Variants in C12orf60 observed in about 807,000 individuals in gnomAD.
C12orf60 encodes the protein uncharacterized protein C12orf60.
For synonymous variants in C12orf60, 102 were observed against 94.6 expected (o/e 1.08, Z -0.45); for missense variants, 284 against 283.2 (o/e 1.00, Z -0.02).
intron 1 of C12orf60, among the ~76,000 whole-genome samples, chr12:14,814,852 C>T (rs1950192783): frequency 6.6e-6 from 1 of 152,292 alleles, no homozygotes; most frequent in East Asian, 1.9e-4. Context: ...CACTCAGCCC[C>T]AGTGTAACTT....
At chr12:14,805,646 C>T (rs972458191) in intron 1 of C12orf60, 84 of 178,354 alleles carry the variant, frequency 4.7e-4, no homozygotes, top group Non-Finnish European at 4.9e-4. Flanking sequence ...ATGAAAGTCT[C>T]TGCATTCAAT....
chr12:14,806,465 G>A lies in C12orf60; in HGVS notation c.-25+2714G>A, dbSNP rs944849370. ...GCAATTCCTTTTGGATTTTCATAATGGCTTGGATGATGAGGTCACAGTTTT... is the reference window on the plus strand; with the variant it reads ...GCAATTCCTTTTGGATTTTCATAATAGCTTGGATGATGAGGTCACAGTTTT... On this transcript the variant is annotated intron_variant, in intron 1 of 1. Transcript: ENST00000330828. 3.7e-6 allele frequency: 6 copies of A among 1,613,996 alleles called. No individual in the cohort carries two copies. In the African/African-American group the frequency reaches 8.0e-5, roughly 22 times the overall value.
At chr12:14,810,802 G>A (rs1950124386) in intron 1 of C12orf60, among the ~76,000 whole-genome samples, 1 of 152,136 alleles carries the variant, frequency 6.6e-6, no homozygotes, top group African/African-American at 2.4e-5. Context: ...GCAGTGTGCA[G>A]TATTTTCGCT....
intron 1 of C12orf60, among the ~76,000 whole-genome samples, chr12:14,815,073 G>A (rs1232656459): frequency 6.6e-6 from 1 of 152,134 alleles, no homozygotes; most frequent in Non-Finnish European, 1.5e-5. Flanking sequence ...CTTATGAAAC[G>A]GTAGCTATTC....
In C12orf60 at chr12:14,814,375, A is replaced by C. The variant is rs148271371; in HGVS notation, c.-24-8537A>C. Among the ~76,000 whole-genome samples, 1,437 of 152,306 alleles carry C rather than the reference A, an allele frequency of 9.4e-3. 20 individuals are homozygous for C. The highest frequency in any genetic ancestry group is 0.027 in the African/African-American group (1,114 of 41,556). On this transcript the variant is annotated intron_variant, in intron 1 of 1. Coordinates refer to ENST00000330828, the MANE Select transcript of C12orf60 (RefSeq NM_175874.4). ...TTAAGTTATATAAACTGGAAGACTA[A>C]TAGTGTGTAAAACTTATTTTTAAAT...
Position 14,803,747 on chromosome 12 carries a change from G to C in C12orf60, c.-29G>C. 5.5e-6 allele frequency: 2 copies of C among 364,584 alleles called. No homozygotes were observed. Among genetic ancestry groups the C allele is most frequent in the Non-Finnish European group, 9.8e-6 (2 of 205,106 alleles). 22.6% of individuals were successfully genotyped at this position (364,584 alleles called of 1,614,324 possible). On this transcript the variant is annotated 5_prime_UTR_variant, in exon 1 of 2. Coordinates refer to ENST00000330828, the MANE Select transcript of C12orf60 (RefSeq NM_175874.4). ...AGGCATCTTGACTTAGTTGCTGGGA[G>C]CCTGGTACGTTGAGCCGTCCGAGAA...
In C12orf60 at chr12:14,805,935, T is replaced by C. The variant is rs563407389; in HGVS notation, c.-25+2184T>C. On this transcript the variant is annotated intron_variant, in intron 1 of 1. Transcript: ENST00000330828. ...GGAAGCCTATAGAAAATGAACCTAA[T>C]CAAAGAAGCAAACACTGTTACTGAA... 1,501 of 1,448,254 alleles carry C rather than the reference T, an allele frequency of 1.0e-3. 5 individuals are homozygous for C. Among genetic ancestry groups the C allele is most frequent in the Non-Finnish European group, 1.3e-3 (1,420 of 1,069,242 alleles). The allele number at this position is 1,448,254 out of a possible 1,614,324, so 89.7% of individuals were successfully genotyped here.
At chr12:14,806,806 C>G in intron 1 of C12orf60, 1 of 984,844 alleles carries the variant, frequency 1.0e-6, no homozygotes, top group Non-Finnish European at 1.5e-6. Context: ...AAGCAAGATG[C>G]TGTCTAAGGA....
At chr12:14,813,567 T>C (rs1216310111) in intron 1 of C12orf60, among the ~76,000 whole-genome samples, 3 of 152,262 alleles carry the variant, frequency 2.0e-5, no homozygotes, top group Non-Finnish European at 2.9e-5. Flanking sequence ...GTGAAGCCTC[T>C]ACTGTGTCCC....
intron 1 of C12orf60, chr12:14,805,665 T>G: frequency 5.2e-6 from 1 of 193,398 alleles, no homozygotes; most frequent in Non-Finnish European, 1.0e-5. Context: ...ATGTGAAATT[T>G]AAGAATTTTA....
In C12orf60 at chr12:14,823,791, A is replaced by G; in HGVS notation, c.*118A>G. On this transcript the variant is annotated 3_prime_UTR_variant, in exon 2 of 2. Coordinates refer to ENST00000330828, the MANE Select transcript of C12orf60 (RefSeq NM_175874.4). Reference sequence around the variant, plus strand: ...GTGCTATGTTAGAACATAAGTACACAAAAGTCATCTGGCAAAACATTTACC... The same window carrying G: ...GTGCTATGTTAGAACATAAGTACACGAAAGTCATCTGGCAAAACATTTACC... 1.1e-6 allele frequency: 1 copy of G among 880,650 alleles called. No individual in the cohort carries two copies. Among genetic ancestry groups the G allele is most frequent in the South Asian group, 3.6e-5 (1 of 27,456 alleles). 54.6% of individuals were successfully genotyped at this position (880,650 alleles called of 1,614,324 possible).
chr12:14,807,084 G>C (rs1456931251), intron 1 of C12orf60, among the ~76,000 whole-genome samples: 1 of 152,156 alleles, frequency 6.6e-6, no homozygotes, highest in East Asian at 1.9e-4. Context: ...CACCTGCCTT[G>C]GCCTCCCAAA....
At chr12:14,810,450 G>C (rs948748458) in intron 1 of C12orf60, among the ~76,000 whole-genome samples, 1 of 152,150 alleles carries the variant, frequency 6.6e-6, no homozygotes, top group African/African-American at 2.4e-5. Flanking sequence ...CCACGTGTAA[G>C]GTCATATGCC....
intron 1 of C12orf60, chr12:14,806,826 A>G (rs1950059695): frequency 1.9e-5 from 16 of 847,106 alleles, no homozygotes; most frequent in South Asian, 7.4e-5. Flanking sequence ...ATAATTCCTC[A>G]GAACACTCAA....
In C12orf60 at chr12:14,823,062, A is replaced by G; in HGVS notation, c.127A>G (p.Thr43Ala). ...TGAATTGTTTAGCCGCAGTATGAAT[A>G]CTCAAATCCTTTTGATGGCTGTGAA... is the stretch of plus-strand genomic sequence containing the variant. ...LTELFSRSMNTQILLMAVKNN... is the reference protein window; with the variant it reads ...LTELFSRSMNAQILLMAVKNN... The change falls in exon 2 of 2, where the codon ACT becomes GCT. Residue 43 changes from threonine (T) to alanine (A), a missense_variant. Transcript: ENST00000330828. 1.2e-6 allele frequency: 2 copies of G among 1,614,176 alleles called. No individual in the cohort carries two copies. The highest frequency in any genetic ancestry group is 1.7e-6 in the Non-Finnish European group (2 of 1,180,002).
intron 1 of C12orf60, among the ~76,000 whole-genome samples, chr12:14,815,168 A>G (rs1485668018): frequency 6.6e-6 from 1 of 152,212 alleles, no homozygotes; most frequent in Non-Finnish European, 1.5e-5. Flanking sequence ...AGACAGGCAG[A>G]CAGGAAACTT....
chr12:14,815,642 G>A (rs1411353241), intron 1 of C12orf60, among the ~76,000 whole-genome samples: 1 of 152,142 alleles, frequency 6.6e-6, no homozygotes, highest in Non-Finnish European at 1.5e-5. Context: ...TGGATTTCAG[G>A]AAGGGTACAT....
chr12:14,805,915 C>A, intron 1 of C12orf60: 1 of 1,285,238 alleles, frequency 7.8e-7, no homozygotes, highest in East Asian at 2.3e-5. Flanking sequence ...ATATTGGAAG[C>A]CTATAGAAAA....
Position 14,823,666 on chromosome 12 carries a change from A to T in C12orf60, c.731A>T (p.Asp244Val). The T allele has an allele frequency of 6.4e-7, 1 of 1,556,118 alleles. No individual in the cohort carries two copies. The highest frequency in any genetic ancestry group is 2.1e-5 in the Admixed American group (1 of 48,190). ...MNISVFKKAS[D>V]K ...ATTTCTGTGTTTAAGAAAGCCAGTG[A>T]CAAGTAGGGATGCAACAGAAATGTT... is the stretch of plus-strand genomic sequence containing the variant. The change falls in exon 2 of 2, where the codon GAC becomes GTC. Residue 244 changes from aspartate to valine, a missense_variant. Transcript: ENST00000330828.
Sources: gnomAD v4.1 joint callset for allele counts (sites outside exome capture counted in the v4.1 genomes callset) on GRCh38, gnomAD v4.1.1 for gene constraint, MANE v1.5 for transcripts, NCBI Gene and HGNC (gene_info 2026-07-23, HGNC 2026-07-21) for gene names.